Variants in PLXND1 observed in about 807,000 individuals in gnomAD.
PLXND1 encodes plexin D1, also known as plexin-D1.
A neutral mutation model predicts 197.7 loss-of-function variants in PLXND1; 54 were observed. That is an observed-to-expected ratio of 0.27 (90% CI 0.22 to 0.34). The LOEUF (loss-of-function observed/expected upper bound fraction) is 0.34. PLXND1 is among the 10% of genes least tolerant of loss of function. The probability of loss-of-function intolerance (pLI) is 1.00; values close to 1 mark genes in which losing one functional copy is unlikely to be tolerated. For synonymous variants in PLXND1, 1,180 were observed against 1,161.2 expected, an observed-to-expected ratio of 1.02 and a Z score of -0.33; for missense variants, 2,127 against 2,699.2, an observed-to-expected ratio of 0.79 and a Z score of 4.70.
intron 13 of PLXND1, 96 bp from the exon 14 acceptor site, chr3:129,573,037 C>T: frequency 1.3e-6 from 1 of 762,210 alleles, no homozygotes. Flanking sequence ...CCATGCCACA[C>T]TTCCAATGCC....
In PLXND1 at chr3:129,571,099, C is replaced by A; in HGVS notation, c.3541G>T (p.Ala1181Ser). 1.9e-6 allele frequency: 3 copies of A among 1,614,208 alleles called. No homozygotes were observed. Among genetic ancestry groups the A allele is most frequent in the Non-Finnish European group, 2.5e-6 (3 of 1,180,026 alleles). The change falls in exon 18 of 36, where the codon GCC (alanine) becomes TCC (serine). Residue 1181 changes from alanine (A) to serine (S), a missense_variant. By Grantham distance (99) the Ala-to-Ser change is moderately conservative. This residue lies in a region of PLXND1 where 532 missense variants were observed against 811.0 expected (regional missense o/e 0.66). Coordinates refer to ENST00000324093, the MANE Select transcript of PLXND1 (RefSeq NM_015103.3). ...DYLPNPQFST[A>S]KREKWIKHHP... ...TGCTTGATCCACTTCTCCCTCTTGG[C>A]CGTAGAGAACTGTGGGTTGGGGAGG...
At chr3:129,556,943 G>T in intron 34 of PLXND1, 140 bp downstream of exon 34, 2 of 931,510 alleles carry the variant, frequency 2.1e-6, no homozygotes, top group Non-Finnish European at 3.2e-6. Context: ...GAATTTGCAG[G>T]CCAGCAAGAG....
chr3:129,585,987 G>A lies in PLXND1; in HGVS notation c.1816C>T (p.Leu606=), dbSNP rs1162772983. The A allele has an allele frequency of 6.2e-7, 1 of 1,614,136 alleles. No individual in the cohort carries two copies. Residue 606 remains leucine, a synonymous_variant, in exon 5 of 36, where the codon CTG becomes TTG. Coordinates refer to ENST00000324093, the MANE Select transcript of PLXND1 (RefSeq NM_015103.3). ...TGGCGCACATCGATCTCGGAAGGCA[G>A]GACGGTCATGGCAGGACAGCGGCTG... The part of the protein sequence containing the change: ...GPSRCPAMTV[L]PSEIDVRQEY...
In PLXND1 at chr3:129,555,925, C is replaced by T; in HGVS notation, c.*387G>A. ...TGGATGAGGTAGAGTTTCTGGGCTGCAGCCTCCGGGCTGGCGGCCTCCTCT... is the reference window on the plus strand; with the variant it reads ...TGGATGAGGTAGAGTTTCTGGGCTGTAGCCTCCGGGCTGGCGGCCTCCTCT... On this transcript the variant is annotated 3_prime_UTR_variant, in exon 36 of 36. Coordinates refer to ENST00000324093, the MANE Select transcript of PLXND1 (RefSeq NM_015103.3). The T allele has an allele frequency of 6.8e-6, 2 of 292,340 alleles. No individual in the cohort carries two copies. Among genetic ancestry groups the T allele is most frequent in the Non-Finnish European group, 1.3e-5 (2 of 155,918 alleles). 18.1% of individuals were successfully genotyped at this position (292,340 alleles called of 1,614,324 possible).
chr3:129,600,142 T>C (rs1371336315), intron 1 of PLXND1, among the ~76,000 whole-genome samples: 1 of 152,164 alleles, frequency 6.6e-6, no homozygotes, highest in Non-Finnish European at 1.5e-5. Flanking sequence ...GAGACCATTC[T>C]CTCCATCTCA....
At chr3:129,595,921 G>GCGCACACACACACA (rs138452605) in intron 1 of PLXND1, among the ~76,000 whole-genome samples, 3,186 of 146,476 alleles carry the variant, frequency 0.022, 173 homozygotes, top group East Asian at 0.12. Flanking sequence ...GTGCACGCAC[G>GCGCACACACACACA]CACACACACA....
Position 129,585,929 on chromosome 3 carries a change from G to A in PLXND1, c.1851+23C>T, listed in dbSNP as rs1400095809. The A allele has an allele frequency of 3.1e-6, 5 of 1,613,722 alleles. No homozygotes were observed. The East Asian group carries it at 1.1e-4, about 36-fold the overall frequency. On this transcript the variant is annotated intron_variant, in intron 5 of 35. Coordinates refer to ENST00000324093, the MANE Select transcript of PLXND1 (RefSeq NM_015103.3). ...GAGGCTCCCCTGTGTCCCGAGCTGG[G>A]TCTTGCCTCCCCCAGGACTCACTGG...
rs2285368 is a variant in PLXND1 at position 129,572,656 on chromosome 3, G to T, written c.3030C>A (p.Ser1010=). 8 of 1,601,228 alleles carry T rather than the reference G, an allele frequency of 5.0e-6. No homozygotes were observed. Among genetic ancestry groups the T allele is most frequent in the Non-Finnish European group, 1.7e-6 (2 of 1,173,494 alleles). Residue 1010 remains serine, a synonymous_variant, in exon 15 of 36, where the codon TCC becomes TCA. Coordinates refer to ENST00000324093, the MANE Select transcript of PLXND1 (RefSeq NM_015103.3). ...TIHGNDLHVG[S]ELQVLVNDTD... The stretch of plus-strand genomic sequence containing the variant: ...TGTCGTTCACCAGGACCTGGAGCTC[G>T]GAGCCTACATGGAGGTCATTCCCAT...
chr3:129,592,433 A>G (rs985120168), intron 1 of PLXND1, among the ~76,000 whole-genome samples: 2 of 152,258 alleles, frequency 1.3e-5, no homozygotes, highest in African/African-American at 4.8e-5. Flanking sequence ...CCAAGGGAAC[A>G]TAAGTTCTGG....
chr3:129,584,384 C>T lies in PLXND1; in HGVS notation c.2029+1G>A, dbSNP rs2085429495. The T allele has an allele frequency of 6.2e-7, 1 of 1,611,378 alleles. No homozygotes were observed. The highest frequency in any genetic ancestry group is 8.5e-7 in the Non-Finnish European group (1 of 1,178,862). Reference sequence around the variant, plus strand: ...CTGTGCCAACAGCACAGCGTGCTTACCCTGGTTGGGGGGGAAGGGCGGAAA... The same window carrying T: ...CTGTGCCAACAGCACAGCGTGCTTATCCTGGTTGGGGGGGAAGGGCGGAAA... On this transcript the variant is annotated splice_donor_variant, in intron 6 of 35. Coordinates refer to ENST00000324093, the MANE Select transcript of PLXND1 (RefSeq NM_015103.3). LOFTEE classifies it high-confidence loss of function.
chr3:129,568,950 C>T (rs948344203), intron 20 of PLXND1, among the ~76,000 whole-genome samples: 5 of 152,212 alleles, frequency 3.3e-5, no homozygotes, highest in African/African-American at 1.2e-4. Context: ...ATGCAGCAGT[C>T]ACTCCCCATT....
At chr3:129,589,271 T>C in intron 2 of PLXND1, 80 bp downstream of exon 2, 1 of 853,194 alleles carries the variant, frequency 1.2e-6, no homozygotes, top group Non-Finnish European at 1.9e-6. Context: ...AGCAGCCCTG[T>C]GTACAGACTG....
chr3:129,566,660 C>T lies in PLXND1; in HGVS notation c.4087-29G>A, dbSNP rs777506244. 1.8e-5 allele frequency: 24 copies of T among 1,355,456 alleles called. No individual in the cohort carries two copies. The Admixed American group carries it at 2.8e-4, about 16-fold the overall frequency. 84.0% of individuals were successfully genotyped at this position (1,355,456 alleles called of 1,614,324 possible). On this transcript the variant is annotated intron_variant, in intron 22 of 35. Coordinates refer to ENST00000324093, the MANE Select transcript of PLXND1 (RefSeq NM_015103.3). ...CAGAGGCAGACCCCCAGCATCTCAG[C>T]GGGGCTGGACACCCCCTGCTGGCAT...
In PLXND1 at chr3:129,581,760, G is replaced by A. The variant is rs186831126; in HGVS notation, c.2241+1807C>T. ...GTGATGGCAGGACTAGTCCAACTCG[G>A]TTCTTTCCCAGGGCCCAGTACTGAC... is the stretch of plus-strand genomic sequence containing the variant. On this transcript the variant is annotated intron_variant, in intron 8 of 35. Transcript: ENST00000324093. Among the ~76,000 whole-genome samples the A allele has an allele frequency of 5.9e-4, 90 of 152,284 alleles. 1 individual carries two copies. The highest frequency in any genetic ancestry group is 1.9e-3 in the African/African-American group (77 of 41,550).
intron 31 of PLXND1, 65 bp downstream of exon 31, chr3:129,560,265 C>T (rs1005120233): frequency 2.9e-6 from 3 of 1,029,822 alleles, no homozygotes; most frequent in African/African-American, 1.6e-5. Flanking sequence ...TGAGCAATGA[C>T]CCTCTGGAGC....
chr3:129,560,974 T>A (rs1410050581), intron 29 of PLXND1: 3 of 631,290 alleles, frequency 4.8e-6, no homozygotes, highest in Non-Finnish European at 8.8e-6. Flanking sequence ...GAGAGATAAG[T>A]GAGATCCAGA....
At chr3:129,572,434 A>G (rs756359067) in intron 15 of PLXND1, among the ~76,000 whole-genome samples, 175 bp downstream of exon 15, 1 of 152,198 alleles carries the variant, frequency 6.6e-6, no homozygotes, top group Non-Finnish European at 1.5e-5. Context: ...TACTGGTACT[A>G]TTCTTACCAG....
At chr3:129,590,089 T>C (rs968376465) in intron 1 of PLXND1, among the ~76,000 whole-genome samples, 2 of 152,140 alleles carry the variant, frequency 1.3e-5, no homozygotes, top group Admixed American at 6.5e-5. Context: ...CCCCAGCAGC[T>C]TGCAAGACTC....
Position 129,558,416 on chromosome 3 carries a change from G to A in PLXND1, c.5445+12C>T. On this transcript the variant is annotated intron_variant, in intron 33 of 35. Transcript: ENST00000324093. The surrounding 1 kb of genome is among the most constrained non-coding windows in gnomAD (Gnocchi z 4.1). ...TGTGCATGGGCCTGGCCTGGTCCTG[G>A]GAACAGCTGACCTTGCCCAGCTGCA... 4 of 1,612,222 alleles carry A rather than the reference G, an allele frequency of 2.5e-6. No individual in the cohort carries two copies. Among genetic ancestry groups the A allele is most frequent in the Non-Finnish European group, 3.4e-6 (4 of 1,179,430 alleles).
Sources: allele counts gnomAD v4.1 joint callset (sites outside exome capture counted in the v4.1 genomes callset), GRCh38; gene constraint gnomAD v4.1.1; regional missense constraint gnomAD v4.1.1; non-coding constraint Gnocchi (gnomAD v3.1); transcripts MANE v1.5; gene names NCBI Gene and HGNC (gene_info 2026-07-23, HGNC 2026-07-21).